Variants in INO80C observed in about 807,000 individuals in gnomAD.
The protein encoded by INO80C is IES6 homolog.
A neutral mutation model predicts 17.7 loss-of-function variants in INO80C; 17 were observed. The ratio of observed to expected loss-of-function variants is 0.96; its 90% CI spans 0.66 to 1.44. The LOEUF (loss-of-function observed/expected upper bound fraction) is 1.44. Among genes scored for constraint, INO80C ranks in the 40% most tolerant of loss-of-function variants. The pLI, the probability that INO80C is intolerant of heterozygous loss-of-function variation, is 0.00. For missense variants in INO80C, 244 were observed against 245.0 expected (o/e 1.00, Z 0.03); for synonymous variants, 96 against 95.8 (o/e 1.00, Z -0.01).
intron 1 of INO80C, chr18:35,487,455 GC>G: frequency 3.2e-6 from 1 of 316,306 alleles, no homozygotes; most frequent in Non-Finnish European, 6.3e-6. Flanking sequence ...GTGGCAGCAG[GC>G]AAGAGAGAGA....
At chr18:35,480,068 T>G (rs1178605342) in intron 2 of INO80C, among the ~76,000 whole-genome samples, 1 of 152,220 alleles carries the variant, frequency 6.6e-6, no homozygotes, top group Non-Finnish European at 1.5e-5. Flanking sequence ...ATACCCTGTG[T>G]TCTACTCCAC....
At chr18:35,470,943 G>GC (rs1239043414) in intron 4 of INO80C, among the ~76,000 whole-genome samples, 1 of 152,138 alleles carries the variant, frequency 6.6e-6, no homozygotes, top group Non-Finnish European at 1.5e-5. Context: ...ACAGCTTCAG[G>GC]CCCCCCTTGC....
chr18:35,485,110 T>C (rs1351774911), intron 1 of INO80C, among the ~76,000 whole-genome samples: 2 of 152,102 alleles, frequency 1.3e-5, no homozygotes, highest in African/African-American at 4.8e-5. Context: ...CGACCTCATT[T>C]AATCTTAATT....
chr18:35,497,699 C>G lies in INO80C; in HGVS notation c.156+20G>C, dbSNP rs761086111. 1 of 1,607,860 alleles carries G rather than the reference C, an allele frequency of 6.2e-7. No individual in the cohort carries two copies. The highest frequency in any genetic ancestry group is 8.5e-7 in the Non-Finnish European group (1 of 1,177,492). ...CCGTTTCGCGACGCGCACGCGCAGC[C>G]TGGGAGCGCGACTGCGTACCTGCGC... On this transcript the variant is annotated intron_variant, in intron 1 of 4. Transcript: ENST00000334598.
At chr18:35,486,429 T>C (rs1168929191) in intron 1 of INO80C, among the ~76,000 whole-genome samples, 1 of 152,136 alleles carries the variant, frequency 6.6e-6, no homozygotes, top group Non-Finnish European at 1.5e-5. Flanking sequence ...TAAAATTAGA[T>C]AGGATATTGT....
At chr18:35,477,777 G>T (rs1042219047) in intron 4 of INO80C, among the ~76,000 whole-genome samples, 2 of 152,144 alleles carry the variant, frequency 1.3e-5, no homozygotes, top group African/African-American at 4.8e-5. Context: ...TGGGGAGGAA[G>T]ATAGGCGGCC....
At chr18:35,482,030 G>A (rs557646863) in intron 1 of INO80C, among the ~76,000 whole-genome samples, 40 of 152,266 alleles carry the variant, frequency 2.6e-4, no homozygotes, top group Non-Finnish European at 2.5e-4. Flanking sequence ...GTTCGTGGAC[G>A]TTCGGTTCAT....
chr18:35,488,993 C>T (rs2045906782), intron 1 of INO80C: 1 of 156,508 alleles, frequency 6.4e-6, no homozygotes, highest in Non-Finnish European at 1.4e-5. Flanking sequence ...ACCTTTACTC[C>T]AGTTCCCAAC....
intron 2 of INO80C, 85 bp from the exon 3 acceptor site, chr18:35,479,496 T>G: frequency 1.3e-6 from 1 of 780,514 alleles, no homozygotes; most frequent in Non-Finnish European, 2.2e-6. Context: ...TAATCATAAC[T>G]GTAATATACC....
At chr18:35,487,975 C>T (rs2045894062) in intron 1 of INO80C, among the ~76,000 whole-genome samples, 1 of 152,162 alleles carries the variant, frequency 6.6e-6, no homozygotes, top group Non-Finnish European at 1.5e-5. Flanking sequence ...CAGTCAAATC[C>T]TAAAGCTCCA....
At chr18:35,491,613 C>A (rs910737109) in intron 1 of INO80C, among the ~76,000 whole-genome samples, 1 of 152,140 alleles carries the variant, frequency 6.6e-6, no homozygotes, top group African/African-American at 2.4e-5. Context: ...TTCCTCTCCC[C>A]CGACCCCCAC....
intron 1 of INO80C, among the ~76,000 whole-genome samples, chr18:35,481,260 A>G (rs907773724): frequency 6.6e-5 from 10 of 152,250 alleles, no homozygotes; most frequent in Non-Finnish European, 1.5e-4. Context: ...AAAACCTTTA[A>G]GCTAACAATC....
Position 35,497,898 on chromosome 18 carries a change from C to A in INO80C, c.-24G>T, listed in dbSNP as rs202020627. ...ATCGCACTCCGAGTCTTCCCCTGGT[C>A]CCCCCACCTTTTTCCCAGCGCGGGC... On this transcript the variant is annotated 5_prime_UTR_variant, in exon 1 of 5. Coordinates refer to ENST00000334598, the MANE Select transcript of INO80C (RefSeq NM_194281.4). 2.6e-6 allele frequency: 4 copies of A among 1,514,190 alleles called. No homozygotes were observed. In the South Asian group the frequency reaches 3.8e-5, roughly 14 times the overall value. 93.8% of individuals were successfully genotyped at this position (1,514,190 alleles called of 1,614,324 possible). A position where few individuals can be genotyped will look rare whatever the true frequency, so the allele number is the denominator to read the frequency against.
intron 1 of INO80C, among the ~76,000 whole-genome samples, chr18:35,496,518 T>C (rs12965597): frequency 0.1 from 15,320 of 152,218 alleles, 826 homozygotes; most frequent in African/African-American, 0.13. Context: ...GCAGTGGCCA[T>C]AGGTGTATAC....
chr18:35,480,662 G>A (rs758205795), intron 1 of INO80C, 99 bp from the exon 2 acceptor site: 8 of 914,628 alleles, frequency 8.7e-6, no homozygotes, highest in African/African-American at 1.6e-5. Flanking sequence ...CACAGGGCAT[G>A]CAAGGGAAGA....
At position 35,490,133 on chromosome 18, in the gene INO80C, C is replaced by G. The variant is rs115577498; in HGVS notation, c.156+7586G>C. ...CAGGGCAGGAAGGGTGACAAGTGAT[C>G]GCTCTTTCAGGAGGTGGTGGTACAA... On this transcript the variant is annotated intron_variant, in intron 1 of 4. Transcript: ENST00000334598. Among the ~76,000 whole-genome samples, 1,219 of 152,224 alleles carry G rather than the reference C, an allele frequency of 8.0e-3. 21 individuals carry two copies. The highest frequency in any genetic ancestry group is 0.028 in the African/African-American group (1,166 of 41,552).
intron 1 of INO80C, among the ~76,000 whole-genome samples, chr18:35,493,896 C>A (rs1200425824): frequency 6.6e-6 from 1 of 152,158 alleles, no homozygotes; most frequent in African/African-American, 2.4e-5. Context: ...GGGAAATTTA[C>A]GTGATGAAAG....
At chr18:35,480,385 G>T (rs1398507842) in intron 2 of INO80C, 68 bp downstream of exon 2, 11 of 1,090,322 alleles carry the variant, frequency 1.0e-5, no homozygotes, top group Non-Finnish European at 1.6e-5. Flanking sequence ...CTGGCTACAG[G>T]CCCAGCAAGA....
chr18:35,495,422 AATATCAGTTGGG>A (rs2045971335), intron 1 of INO80C, among the ~76,000 whole-genome samples: 1 of 152,152 alleles, frequency 6.6e-6, no homozygotes, highest in African/African-American at 2.4e-5. Flanking sequence ...TTCTTTAGTA[AATATCAGTTGGG>A]AAAAGGAGAG....
Sources: allele counts gnomAD v4.1 joint callset (sites outside exome capture counted in the v4.1 genomes callset), GRCh38; gene constraint gnomAD v4.1.1; transcripts MANE v1.5; gene names NCBI Gene and HGNC (gene_info 2026-07-23, HGNC 2026-07-21).